GRIN2A: variants seen among roughly 807,000 people sequenced by gnomAD.
GRIN2A encodes the protein glutamate receptor ionotropic, NMDA 2A.
A neutral mutation model predicts 113.4 loss-of-function variants in GRIN2A; 22 were observed. The ratio of observed to expected loss-of-function variants is 0.19; its 90% CI spans 0.14 to 0.28. The LOEUF (loss-of-function observed/expected upper bound fraction) is 0.28. Ranked by LOEUF, GRIN2A falls within the 10% of genes least tolerant of loss-of-function variation. GRIN2A has a pLI of 1.00. For missense variants in GRIN2A, 1,502 were observed against 1,887.0 expected, an observed-to-expected ratio of 0.80 and a Z score of 3.78; for synonymous variants, 827 against 738.4, an observed-to-expected ratio of 1.12 and a Z score of -1.94.
At chr16:10,118,222 G>A (rs545141934) in intron 2 of GRIN2A, among the ~76,000 whole-genome samples, 39 of 152,252 alleles carry the variant, frequency 2.6e-4, no homozygotes, top group African/African-American at 7.7e-4. Context: ...GTATTCAGCC[G>A]TGCTGGAAGC....
At chr16:10,029,627 T>C (rs956176695) in intron 2 of GRIN2A, among the ~76,000 whole-genome samples, 1 of 152,242 alleles carries the variant, frequency 6.6e-6, no homozygotes, top group Non-Finnish European at 1.5e-5. Flanking sequence ...ATGTCTCACC[T>C]AGTCTGGGAC....
At chr16:10,179,700 C>T (rs2050219414) in intron 2 of GRIN2A, 1 of 482,572 alleles carries the variant, frequency 2.1e-6, no homozygotes, top group Non-Finnish European at 3.8e-6. Context: ...AACATGCCAC[C>T]ACCGCCACCA....
rs552465335 is a variant in GRIN2A at position 10,127,843 on chromosome 16, C to T, written c.414+52155G>A. On this transcript the variant is annotated intron_variant, in intron 2 of 12. Transcript: ENST00000330684. The stretch of plus-strand genomic sequence containing the variant: ...AACCTCGCCCAAAAAGAAGTCTGGT[C>T]TTTACCCTTGGTGTCTTACTAAGCC... Among the ~76,000 whole-genome samples, 7 of 152,302 alleles carry T rather than the reference C, an allele frequency of 4.6e-5. No individual in the cohort carries two copies. In the East Asian group the frequency reaches 1.4e-3, roughly 29 times the overall value.
chr16:10,059,710 C>A (rs2047517191), intron 2 of GRIN2A, among the ~76,000 whole-genome samples: 2 of 134,638 alleles, frequency 1.5e-5, no homozygotes, highest in East Asian at 2.1e-4. Flanking sequence ...AAAATCACAC[C>A]ATCGTGACCG....
At chr16:9,959,265 G>C (rs1261668566) in intron 2 of GRIN2A, among the ~76,000 whole-genome samples, 1 of 152,100 alleles carries the variant, frequency 6.6e-6, no homozygotes, top group Admixed American at 6.6e-5. Context: ...AATCTCCTAA[G>C]AGATAAAAAG....
At chr16:10,125,655 T>C (rs4782273) in intron 2 of GRIN2A, among the ~76,000 whole-genome samples, 24,721 of 60,742 alleles carry the variant, frequency 0.41, 2,284 homozygotes, top group South Asian at 0.51. Flanking sequence ...AAAAGACTGT[T>C]CCGAGTCTCC....
At chr16:9,779,436 T>C (rs1473612459) in intron 11 of GRIN2A, among the ~76,000 whole-genome samples, 1 of 152,174 alleles carries the variant, frequency 6.6e-6, no homozygotes, top group Admixed American at 6.5e-5. Flanking sequence ...TGATCTGTAT[T>C]CCCCATTGCT....
At chr16:9,881,961 G>A (rs539843094) in intron 4 of GRIN2A, among the ~76,000 whole-genome samples, 14 of 152,094 alleles carry the variant, frequency 9.2e-5, no homozygotes, top group Non-Finnish European at 1.5e-4. Context: ...GGATGTGTGC[G>A]GAGAAGCCAA....
chr16:10,079,125 G>T (rs1351563426), intron 2 of GRIN2A, among the ~76,000 whole-genome samples: 1 of 152,214 alleles, frequency 6.6e-6, no homozygotes, highest in Middle Eastern at 3.2e-3. Flanking sequence ...CTCACTAGGT[G>T]TCAGGCACCA....
intron 2 of GRIN2A, among the ~76,000 whole-genome samples, chr16:10,144,437 C>T (rs2049390016): frequency 6.6e-6 from 1 of 152,148 alleles, no homozygotes. Flanking sequence ...TTTTTAATGC[C>T]TGTTGGCCAT....
At chr16:9,807,956 C>T (rs1028244517) in intron 10 of GRIN2A, among the ~76,000 whole-genome samples, 4 of 152,156 alleles carry the variant, frequency 2.6e-5, no homozygotes, top group African/African-American at 7.2e-5. Context: ...AAGCACTATG[C>T]GATGCTGTAT....
intron 4 of GRIN2A, among the ~76,000 whole-genome samples, chr16:9,883,118 A>C (rs945992115): frequency 7.9e-5 from 12 of 152,204 alleles, no homozygotes; most frequent in African/African-American, 2.7e-4. Context: ...CAGAACTTCC[A>C]TCTCTGAAGC....
At chr16:10,120,431 C>A (rs2048810891) in intron 2 of GRIN2A, among the ~76,000 whole-genome samples, 1 of 152,206 alleles carries the variant, frequency 6.6e-6, no homozygotes, top group South Asian at 2.1e-4. Context: ...ACCAATTAAT[C>A]ATTTTATAAC....
rs570709565 is a variant in GRIN2A, at chr16:9,927,714, T to C, written c.1007+10245A>G. 2.1e-4 allele frequency among the ~76,000 whole-genome samples: 32 copies of C among 152,288 alleles called. No individual in the cohort carries two copies. In the South Asian group the frequency reaches 6.0e-3, roughly 29 times the overall value. On this transcript the variant is annotated intron_variant, in intron 3 of 12. Transcript: ENST00000330684. ...GTCTTACCCTTAGAGTACTTTCACGTTTAAAAATATATATGCTTAGATAAT... is the reference window on the plus strand; with the variant it reads ...GTCTTACCCTTAGAGTACTTTCACGCTTAAAAATATATATGCTTAGATAAT...
At chr16:10,025,639 G>C (rs1434291115) in intron 2 of GRIN2A, among the ~76,000 whole-genome samples, 1 of 152,040 alleles carries the variant, frequency 6.6e-6, no homozygotes, top group Admixed American at 6.6e-5. Flanking sequence ...CAAGGAGGCT[G>C]GAATACCACC....
chr16:9,822,873 C>A (rs2042315057), intron 9 of GRIN2A, among the ~76,000 whole-genome samples: 1 of 152,150 alleles, frequency 6.6e-6, no homozygotes, highest in Admixed American at 6.5e-5. Context: ...CCAATCACTC[C>A]CTTCTCTAAA....
At position 9,914,584 on chromosome 16, in the gene GRIN2A, C is replaced by T. The variant is rs116258592; in HGVS notation, c.1007+23375G>A. On this transcript the variant is annotated intron_variant, in intron 3 of 12. Coordinates refer to ENST00000330684, the MANE Select transcript of GRIN2A (RefSeq NM_001134407.3). ...GTTCTGAAACTATCTTCAACGCATA[C>T]GCATTTGTTTTGCTGTGGCTCAGAA... Among the ~76,000 whole-genome samples, 585 of 152,276 alleles carry T rather than the reference C, an allele frequency of 3.8e-3. 1 individual carries two copies. Among genetic ancestry groups the T allele is most frequent in the African/African-American group, 0.013 (549 of 41,554 alleles).
In GRIN2A at chr16:9,877,361, A is replaced by C. The variant is rs1567365485; in HGVS notation, c.1122+13625T>G. On this transcript the variant is annotated intron_variant, in intron 4 of 12. Coordinates refer to ENST00000330684, the MANE Select transcript of GRIN2A (RefSeq NM_001134407.3). ...TACTTGCTTTCAAACTTATTTTAGA[A>C]ATATTTTATTTTTCCCCAAATGGAA... Among the ~76,000 whole-genome samples the C allele has an allele frequency of 2.0e-5, 3 of 152,060 alleles. No homozygotes were observed. The South Asian group carries it at 6.2e-4, about 32-fold the overall frequency.
intron 4 of GRIN2A, among the ~76,000 whole-genome samples, chr16:9,888,793 G>C (rs192991130): frequency 2.0e-5 from 3 of 151,896 alleles, no homozygotes; most frequent in African/African-American, 7.2e-5. Context: ...TCAGATTGAG[G>C]AATTTACCAT....
Sources: gnomAD v4.1 joint callset for allele counts (sites outside exome capture counted in the v4.1 genomes callset) on GRCh38, gnomAD v4.1.1 for gene constraint, MANE v1.5 for transcripts, NCBI Gene and HGNC (gene_info 2026-07-23, HGNC 2026-07-21) for gene names.